Variants in MAGI2 observed in about 807,000 individuals in gnomAD.
The protein encoded by MAGI2 is membrane associated guanylate kinase, WW and PDZ domain containing 2.
Under a neutral mutation model 133.3 loss-of-function variants are expected in MAGI2, and 35 were observed. That is an observed-to-expected ratio of 0.26 (90% CI 0.20 to 0.35). MAGI2 has a LOEUF of 0.35. Among genes scored for constraint, MAGI2 ranks in the 10% least tolerant of loss-of-function variants. The probability of loss-of-function intolerance (pLI) is 1.00; values close to 1 mark genes in which losing one functional copy is unlikely to be tolerated. For synonymous variants in MAGI2, 729 were observed against 710.6 expected (o/e 1.03, Z -0.41); for missense variants, 1,636 against 1,863.4 (o/e 0.88, Z 2.25).
At chr7:78,927,933 G>A (rs1275301796) in intron 2 of MAGI2, among the ~76,000 whole-genome samples, 1 of 151,718 alleles carries the variant, frequency 6.6e-6, no homozygotes, top group Non-Finnish European at 1.5e-5. Context: ...CTATCCCTAA[G>A]GTGCCATATG....
intron 2 of MAGI2, among the ~76,000 whole-genome samples, chr7:78,935,484 G>C (rs892099997): frequency 1.3e-5 from 2 of 152,092 alleles, no homozygotes; most frequent in African/African-American, 4.8e-5. Flanking sequence ...AAGACAAATG[G>C]AAATATGTGG....
At chr7:79,401,171 A>C (rs899830081) in intron 1 of MAGI2, among the ~76,000 whole-genome samples, 3 of 152,164 alleles carry the variant, frequency 2.0e-5, no homozygotes, top group African/African-American at 4.8e-5. Context: ...AATGTTTAAA[A>C]CTTACAACAC....
chr7:79,228,447 TAAAAATAC>T (rs953466521), intron 1 of MAGI2, among the ~76,000 whole-genome samples: 2 of 150,718 alleles, frequency 1.3e-5, no homozygotes, highest in African/African-American at 4.9e-5. Flanking sequence ...AGTACCCCTT[TAAAAATAC>T]AAAAGCTACC....
intron 2 of MAGI2, among the ~76,000 whole-genome samples, chr7:78,697,361 AG>A (rs900980044): frequency 2.0e-5 from 3 of 152,190 alleles, no homozygotes; most frequent in Non-Finnish European, 4.4e-5. Context: ...TCATTTTGAT[AG>A]GAAGTATTAT....
chr7:78,970,001 A>T (rs1211990935), intron 2 of MAGI2, among the ~76,000 whole-genome samples: 2 of 152,046 alleles, frequency 1.3e-5, no homozygotes, highest in African/African-American at 4.8e-5. Context: ...TGGTAGCACC[A>T]CAGCTCAGAC....
chr7:78,020,614 A>G (rs1390939404), intron 21 of MAGI2, among the ~76,000 whole-genome samples: 1 of 152,108 alleles, frequency 6.6e-6, no homozygotes. Context: ...ATCTTTTAAG[A>G]AAGTTTACAA....
intron 2 of MAGI2, among the ~76,000 whole-genome samples, chr7:78,873,333 C>A (rs1171340103): frequency 6.6e-6 from 1 of 152,116 alleles, no homozygotes; most frequent in Non-Finnish European, 1.5e-5. Flanking sequence ...AGGTGAGCTG[C>A]GGGTGAGATT....
At chr7:79,224,754 C>T (rs1274280460) in intron 1 of MAGI2, among the ~76,000 whole-genome samples, 1 of 152,144 alleles carries the variant, frequency 6.6e-6, no homozygotes, top group Non-Finnish European at 1.5e-5. Flanking sequence ...TATGTGATAA[C>T]TTGGAAAAGG....
chr7:78,852,170 G>C (rs560451869), intron 2 of MAGI2, among the ~76,000 whole-genome samples: 1 of 152,000 alleles, frequency 6.6e-6, no homozygotes, highest in South Asian at 2.1e-4. Context: ...ATGCATTTGA[G>C]CATTTTTTCA....
At chr7:79,413,167 A>G (rs993861) in intron 1 of MAGI2, 150,720 of 152,252 alleles carry the variant, frequency 0.99, 74,606 homozygotes, top group Middle Eastern at 1. Flanking sequence ...GGATAAGGAC[A>G]GTTGAGTTTA....
At chr7:78,560,499 C>T (rs1241565428) in intron 3 of MAGI2, among the ~76,000 whole-genome samples, 2 of 152,082 alleles carry the variant, frequency 1.3e-5, no homozygotes, top group Non-Finnish European at 2.9e-5. Flanking sequence ...AAATTATCAT[C>T]TTCTAAGATA....
intron 14 of MAGI2, among the ~76,000 whole-genome samples, chr7:78,169,419 T>A (rs1437687915): frequency 7.2e-6 from 1 of 139,418 alleles, no homozygotes; most frequent in African/African-American, 2.7e-5. Context: ...TTCTTTCAAA[T>A]CCCCTATCTG....
chr7:79,268,264 T>C (rs1434683797), intron 1 of MAGI2, among the ~76,000 whole-genome samples: 1 of 152,134 alleles, frequency 6.6e-6, no homozygotes, highest in Non-Finnish European at 1.5e-5. Context: ...ACCTCAACAC[T>C]GGAAATGTCT....
intron 20 of MAGI2, among the ~76,000 whole-genome samples, chr7:78,087,087 T>C (rs1816726778): frequency 6.6e-6 from 1 of 152,184 alleles, no homozygotes; most frequent in South Asian, 2.1e-4. Flanking sequence ...GATGATATCA[T>C]CCAGACAGCC....
chr7:78,639,396 G>A (rs1249810266), intron 2 of MAGI2, among the ~76,000 whole-genome samples: 3 of 152,050 alleles, frequency 2.0e-5, no homozygotes, highest in African/African-American at 7.2e-5. Context: ...TATCATGGAG[G>A]GAAGAAACAA....
intron 2 of MAGI2, among the ~76,000 whole-genome samples, chr7:78,995,114 T>C (rs778003259): frequency 6.6e-6 from 1 of 151,970 alleles, no homozygotes; most frequent in Admixed American, 6.6e-5. Context: ...CTGGGCTACA[T>C]TGGAAGAATT....
intron 1 of MAGI2, among the ~76,000 whole-genome samples, chr7:79,051,494 T>C (rs1812665422): frequency 6.6e-6 from 1 of 152,228 alleles, no homozygotes; most frequent in Non-Finnish European, 1.5e-5. Flanking sequence ...TGAAAAACAA[T>C]GTATCTGCCA....
At chr7:78,806,116 A>C (rs1388017437) in intron 2 of MAGI2, among the ~76,000 whole-genome samples, 3 of 152,180 alleles carry the variant, frequency 2.0e-5, no homozygotes, top group Non-Finnish European at 4.4e-5. Context: ...TCAATAGTAC[A>C]CTTTGACTTT....
intron 20 of MAGI2, among the ~76,000 whole-genome samples, chr7:78,102,456 G>A (rs1381071877): frequency 2.0e-5 from 3 of 152,144 alleles, no homozygotes; most frequent in Non-Finnish European, 2.9e-5. Context: ...ATATCATAAT[G>A]TACCCCTTAA....
Sources: gnomAD v4.1 joint callset for allele counts (sites outside exome capture counted in the v4.1 genomes callset) on GRCh38, gnomAD v4.1.1 for gene constraint, MANE v1.5 for transcripts, NCBI Gene and HGNC (gene_info 2026-07-23, HGNC 2026-07-21) for gene names.